Variants in CADM1 observed in about 807,000 individuals in gnomAD.
CADM1 encodes TSLC-1.
In CADM1, 15 loss-of-function variants were observed where a neutral mutation model predicts 53.1. The observed-to-expected ratio is 0.28, with a 90% CI of 0.19 to 0.44. CADM1 has a LOEUF of 0.44. CADM1 is among the 20% of genes least tolerant of loss of function. The pLI is 1.00. For synonymous variants in CADM1, 281 were observed against 243.0 expected (o/e 1.16, Z -1.45); for missense variants, 434 against 611.3 (o/e 0.71, Z 3.06).
At chr11:115,388,975 G>A (rs1005444796) in intron 1 of CADM1, among the ~76,000 whole-genome samples, 1 of 152,050 alleles carries the variant, frequency 6.6e-6, no homozygotes, top group African/African-American at 2.4e-5. Flanking sequence ...ATTTCCTGAA[G>A]CTAATAATTA....
chr11:115,213,413 C>G (rs879864881), intron 7 of CADM1, among the ~76,000 whole-genome samples: 1 of 152,004 alleles, frequency 6.6e-6, no homozygotes, highest in Non-Finnish European at 1.5e-5. Flanking sequence ...ATTGGTAGTG[C>G]GTAAAGATAA....
intron 1 of CADM1, among the ~76,000 whole-genome samples, chr11:115,253,560 T>C (rs765275287): frequency 6.6e-6 from 1 of 152,216 alleles, no homozygotes; most frequent in Admixed American, 6.5e-5. Context: ...ATGACACTAA[T>C]AGATATTCTT....
At chr11:115,492,362 T>C (rs1298767407) in intron 1 of CADM1, among the ~76,000 whole-genome samples, 1 of 152,084 alleles carries the variant, frequency 6.6e-6, no homozygotes, top group Non-Finnish European at 1.5e-5. Flanking sequence ...ACAAAAAACA[T>C]AGGGAACGAA....
intron 1 of CADM1, among the ~76,000 whole-genome samples, chr11:115,373,238 A>AT (rs1946352668): frequency 6.6e-6 from 1 of 152,140 alleles, no homozygotes. Context: ...GCACAGACCA[A>AT]TGAGTTAAAC....
At chr11:115,489,276 T>C (rs1949441286) in intron 1 of CADM1, among the ~76,000 whole-genome samples, 1 of 152,218 alleles carries the variant, frequency 6.6e-6, no homozygotes, top group Non-Finnish European at 1.5e-5. Context: ...TCAGGCACGT[T>C]GATAGCTCTT....
chr11:115,460,185 T>C (rs960688849), intron 1 of CADM1, among the ~76,000 whole-genome samples: 8 of 152,016 alleles, frequency 5.3e-5, no homozygotes, highest in African/African-American at 1.9e-4. Flanking sequence ...TGGGCAGCAA[T>C]TGCTGCCGCA....
chr11:115,302,228 A>G (rs1018555075), intron 1 of CADM1, among the ~76,000 whole-genome samples: 4 of 152,034 alleles, frequency 2.6e-5, no homozygotes, highest in African/African-American at 9.7e-5. Context: ...GGGTGATGAA[A>G]TAATTTGTAC....
At chr11:115,257,394 T>C (rs1361038030) in intron 1 of CADM1, among the ~76,000 whole-genome samples, 2 of 152,212 alleles carry the variant, frequency 1.3e-5, no homozygotes, top group Non-Finnish European at 1.5e-5. Flanking sequence ...TCAGACAGAC[T>C]CCATTTATGT....
chr11:115,436,928 T>G (rs1948196584), intron 1 of CADM1, among the ~76,000 whole-genome samples: 1 of 152,218 alleles, frequency 6.6e-6, no homozygotes, highest in South Asian at 2.1e-4. Context: ...TCTGTTCATT[T>G]TACTGATGAA....
At chr11:115,247,998 C>A (rs1362003738) in intron 1 of CADM1, among the ~76,000 whole-genome samples, 1 of 152,202 alleles carries the variant, frequency 6.6e-6, no homozygotes, top group Non-Finnish European at 1.5e-5. Context: ...TCTTTAACAT[C>A]AGCTGCAAGA....
intron 1 of CADM1, among the ~76,000 whole-genome samples, chr11:115,420,958 C>A (rs140918155): frequency 1.6e-4 from 25 of 152,276 alleles, no homozygotes; most frequent in Non-Finnish European, 3.1e-4. Context: ...TGCTTTCATA[C>A]TCTATCATCC....
chr11:115,238,711 CTTAA>C (rs1322916883), intron 2 of CADM1, 59 bp from the exon 3 acceptor site: 9 of 1,558,318 alleles, frequency 5.8e-6, no homozygotes, highest in Non-Finnish European at 8.8e-7. Flanking sequence ...GTCTATTTTC[CTTAA>C]TTATTTATTA....
chr11:115,185,513 T>C (rs1180116227), intron 10 of CADM1, among the ~76,000 whole-genome samples: 2 of 152,222 alleles, frequency 1.3e-5, no homozygotes, highest in African/African-American at 4.8e-5. Flanking sequence ...TGTAGCTAAA[T>C]ATGAAAACAA....
intron 1 of CADM1, among the ~76,000 whole-genome samples, chr11:115,478,986 C>A (rs1454710131): frequency 6.6e-6 from 1 of 152,090 alleles, no homozygotes; most frequent in Non-Finnish European, 1.5e-5. Flanking sequence ...GCAGTTACAT[C>A]TTTCTACGTA....
chr11:115,215,016 A>G (rs1254003340), intron 6 of CADM1, among the ~76,000 whole-genome samples: 1 of 152,202 alleles, frequency 6.6e-6, no homozygotes, highest in Non-Finnish European at 1.5e-5. Flanking sequence ...ATTATTTCCA[A>G]TTCATGTTCG....
At chr11:115,259,290 C>CTTTTTTTTTTTTTTTTTTTTTTTTTTTT (rs71066411) in intron 1 of CADM1, among the ~76,000 whole-genome samples, 1 of 55,056 alleles carries the variant, frequency 1.8e-5, no homozygotes, top group Non-Finnish European at 3.2e-5. Context: ...CCAGTCTTAA[C>CTTTTTTTTTTTTTTTTTTTTTTTTTTTT]TTTTTTTTTT....
Position 115,308,175 on chromosome 11 carries a change from G to A in CADM1, c.125-67755C>T, listed in dbSNP as rs2157613. ...TGTGTGTGTGTGTGTGTGTGTGTGT[G>A]TATATCACTCATAGGTGTGTATATA... On this transcript the variant is annotated intron_variant, in intron 1 of 11. Coordinates refer to ENST00000331581, the MANE Select transcript of CADM1 (RefSeq NM_001301043.2). Among the ~76,000 whole-genome samples, 134 of 117,448 alleles carry A rather than the reference G, an allele frequency of 1.1e-3. 2 individuals are homozygous for A. Among genetic ancestry groups the A allele is most frequent in the African/African-American group, 4.0e-3 (106 of 26,582 alleles). The allele number at this position is 117,448 out of a possible 152,430, so 77.1% of individuals were successfully genotyped here. A position where few individuals can be genotyped will look rare whatever the true frequency, so the allele number is the denominator to read the frequency against.
intron 1 of CADM1, among the ~76,000 whole-genome samples, chr11:115,330,900 G>C (rs1945112815): frequency 6.6e-6 from 1 of 152,134 alleles, no homozygotes; most frequent in Non-Finnish European, 1.5e-5. Context: ...CATGTTAGCA[G>C]CTGTTACAGA....
Position 115,337,223 on chromosome 11 carries a change from C to T in CADM1, c.125-96803G>A, listed in dbSNP as rs576143624. Among the ~76,000 whole-genome samples, 9 of 152,264 alleles carry T rather than the reference C, an allele frequency of 5.9e-5. No homozygotes were observed. The South Asian group carries it at 1.9e-3, about 32-fold the overall frequency. On this transcript the variant is annotated intron_variant, in intron 1 of 11. Coordinates refer to ENST00000331581, the MANE Select transcript of CADM1 (RefSeq NM_001301043.2). ...TCTGCAACTAGGTCCTTGATGTTCT[C>T]CAGTTCCTTAGCTTCTGACTGAGAT...
Sources: gnomAD v4.1 joint callset for allele counts (sites outside exome capture counted in the v4.1 genomes callset) on GRCh38, gnomAD v4.1.1 for gene constraint, MANE v1.5 for transcripts, NCBI Gene and HGNC (gene_info 2026-07-23, HGNC 2026-07-21) for gene names.